The following NKAIN2 variants were observed in gnomAD, a reference collection of about 807,000 sequenced individuals.
The protein encoded by NKAIN2 is sodium/potassium transporting ATPase interacting 2.
In NKAIN2, 14 loss-of-function variants were observed where a neutral mutation model predicts 32.6. That is an observed-to-expected ratio of 0.43 (90% CI 0.28 to 0.67). The LOEUF (loss-of-function observed/expected upper bound fraction) is 0.67, where lower values mean the gene tolerates loss of function less well. Among genes scored for constraint, NKAIN2 ranks in the 30% least tolerant of loss-of-function variants. The pLI, the probability that NKAIN2 is intolerant of heterozygous loss-of-function variation, is 0.17. For synonymous variants in NKAIN2, 80 were observed against 87.2 expected (o/e 0.92, Z 0.46); for missense variants, 198 against 258.3 (o/e 0.77, Z 1.60).
intron 1 of NKAIN2, among the ~76,000 whole-genome samples, chr6:123,976,932 C>G (rs1409722733): frequency 7.2e-6 from 1 of 139,054 alleles, no homozygotes; most frequent in African/African-American, 2.6e-5. Flanking sequence ...GTAATGTTCA[C>G]TGTCCTTAAT....
chr6:123,853,496 GT>G (rs1485823326), intron 1 of NKAIN2, among the ~76,000 whole-genome samples: 2 of 152,112 alleles, frequency 1.3e-5, no homozygotes, highest in Non-Finnish European at 2.9e-5. Flanking sequence ...TGAAATATTA[GT>G]TATTGCATTA....
chr6:123,823,003 T>C (rs1773990317), intron 1 of NKAIN2, among the ~76,000 whole-genome samples: 1 of 84,446 alleles, frequency 1.2e-5, no homozygotes, highest in African/African-American at 1.1e-4. Flanking sequence ...AAATTCCTTA[T>C]TATATGTTCA....
chr6:124,242,233 G>A (rs747209627), intron 1 of NKAIN2, among the ~76,000 whole-genome samples: 1 of 152,114 alleles, frequency 6.6e-6, no homozygotes, highest in African/African-American at 2.4e-5. Context: ...AGTGGCCAAA[G>A]CATATGAACA....
intron 1 of NKAIN2, among the ~76,000 whole-genome samples, chr6:124,006,707 G>A (rs1470587218): frequency 1.3e-5 from 2 of 152,102 alleles, no homozygotes; most frequent in East Asian, 3.9e-4. Context: ...GATTGGACCA[G>A]GCAGGATGCT....
chr6:124,597,081 C>T (rs1393072043), intron 3 of NKAIN2, among the ~76,000 whole-genome samples: 1 of 152,160 alleles, frequency 6.6e-6, no homozygotes, highest in Admixed American at 6.5e-5. Flanking sequence ...GGGCAATCTA[C>T]TTTATTCAGT....
chr6:124,678,483 C>G (rs1773465405), intron 4 of NKAIN2, among the ~76,000 whole-genome samples: 2 of 151,862 alleles, frequency 1.3e-5, no homozygotes, highest in South Asian at 4.1e-4. Flanking sequence ...TTTTCTCATA[C>G]CTGATCAAGT....
intron 3 of NKAIN2, among the ~76,000 whole-genome samples, chr6:124,400,390 T>C (rs1428997276): frequency 2.0e-5 from 3 of 152,034 alleles, no homozygotes; most frequent in Admixed American, 6.6e-5. Flanking sequence ...CCTCCAAATA[T>C]AGAGCAAAAT....
At chr6:124,461,086 G>T (rs1414684134) in intron 3 of NKAIN2, among the ~76,000 whole-genome samples, 1 of 151,652 alleles carries the variant, frequency 6.6e-6, no homozygotes, top group African/African-American at 2.4e-5. Flanking sequence ...TTTAGATTTA[G>T]TTGAATTCTG....
rs1784080288 is a variant in NKAIN2 at position 124,644,036 on chromosome 6, T to C, written c.274-14150T>C. Reference sequence around the variant, plus strand: ...TCAATTCTTTTTTTAATCAAATGCTTATTATTTGTTGAGCAATTAGGCTTC... The same window carrying C: ...TCAATTCTTTTTTTAATCAAATGCTCATTATTTGTTGAGCAATTAGGCTTC... On this transcript the variant is annotated intron_variant, in intron 3 of 6. Coordinates refer to ENST00000368417, the MANE Select transcript of NKAIN2 (RefSeq NM_001040214.3). Among the ~76,000 whole-genome samples, 6 of 152,206 alleles carry C rather than the reference T, an allele frequency of 3.9e-5. No individual in the cohort carries two copies. In the South Asian group the frequency reaches 1.2e-3, roughly 31 times the overall value.
chr6:124,256,885 GTTTTT>G (rs568654193), intron 1 of NKAIN2, among the ~76,000 whole-genome samples: 1 of 75,908 alleles, frequency 1.3e-5, no homozygotes, highest in African/African-American at 4.8e-5. Context: ...GCTTTCTGTT[GTTTTT>G]TTTTTTTTTT....
At chr6:124,021,975 A>G (rs1410748984) in intron 1 of NKAIN2, among the ~76,000 whole-genome samples, 2 of 152,088 alleles carry the variant, frequency 1.3e-5, no homozygotes, top group Admixed American at 6.5e-5. Context: ...TACATGTGCT[A>G]TGTTGGTGTG....
intron 3 of NKAIN2, among the ~76,000 whole-genome samples, chr6:124,623,067 A>G (rs1416891968): frequency 1.3e-5 from 2 of 152,056 alleles, no homozygotes; most frequent in Non-Finnish European, 2.9e-5. Flanking sequence ...TCCTGTCTGT[A>G]TCAATCTCAC....
intron 1 of NKAIN2, among the ~76,000 whole-genome samples, chr6:124,246,654 C>T (rs1022939919): frequency 6.6e-6 from 1 of 152,036 alleles, no homozygotes; most frequent in African/African-American, 2.4e-5. Context: ...AGAAGGCAGA[C>T]TTTACAGCCT....
intron 1 of NKAIN2, among the ~76,000 whole-genome samples, chr6:124,050,285 A>C (rs1782343242): frequency 6.6e-6 from 1 of 152,072 alleles, no homozygotes; most frequent in African/African-American, 2.4e-5. Flanking sequence ...TATTTTACTA[A>C]TGAAGTATAC....
chr6:124,003,121 A>G (rs1300195094), intron 1 of NKAIN2, among the ~76,000 whole-genome samples: 1 of 152,202 alleles, frequency 6.6e-6, no homozygotes, highest in Non-Finnish European at 1.5e-5. Context: ...ACGATGTTTT[A>G]TAAGTTAAAA....
intron 1 of NKAIN2, among the ~76,000 whole-genome samples, chr6:123,947,021 T>C (rs1186224435): frequency 6.6e-6 from 1 of 152,190 alleles, no homozygotes; most frequent in Non-Finnish European, 1.5e-5. Context: ...ATTGAGCTCT[T>C]GTATGTCTGA....
chr6:123,982,591 C>T lies in NKAIN2; in HGVS notation c.54+178337C>T, dbSNP rs545052398. On this transcript the variant is annotated intron_variant, in intron 1 of 6. Coordinates refer to ENST00000368417, the MANE Select transcript of NKAIN2 (RefSeq NM_001040214.3). ...CTTCCAGAAGATGGAAACATAAAAC[C>T]GTACCAAGTGTAGGATTTTAAGGGC... Among the ~76,000 whole-genome samples the T allele has an allele frequency of 7.9e-5, 12 of 151,954 alleles. No individual in the cohort carries two copies. The East Asian group carries it at 1.9e-3, about 25-fold the overall frequency.
intron 4 of NKAIN2, among the ~76,000 whole-genome samples, chr6:124,706,930 C>T (rs573051489): frequency 6.3e-4 from 95 of 151,806 alleles, no homozygotes; most frequent in African/African-American, 2.0e-3. Flanking sequence ...CATGCTGGTG[C>T]GCTGCACCCA....
intron 4 of NKAIN2, among the ~76,000 whole-genome samples, chr6:124,671,742 G>C (rs1353632154): frequency 6.6e-6 from 1 of 151,912 alleles, no homozygotes; most frequent in Non-Finnish European, 1.5e-5. Flanking sequence ...ACATATTTTA[G>C]GTACTTGGTT....
Sources: allele counts gnomAD v4.1 joint callset (sites outside exome capture counted in the v4.1 genomes callset), GRCh38; gene constraint gnomAD v4.1.1; transcripts MANE v1.5; gene names NCBI Gene and HGNC (gene_info 2026-07-23, HGNC 2026-07-21).